The following PARVB variants were observed in gnomAD, a reference collection of about 807,000 sequenced individuals.
PARVB encodes the protein beta-parvin.
PARVB carries 46 observed loss-of-function variants against 47.0 expected under a neutral mutation model. The observed-to-expected ratio is 0.98, with a 90% CI of 0.77 to 1.25. PARVB has a LOEUF of 1.25. PARVB is among the 50% of genes most tolerant of loss of function. The pLI, the probability that PARVB is intolerant of heterozygous loss-of-function variation, is 0.00. For missense variants in PARVB, 473 were observed against 471.6 expected, an observed-to-expected ratio of 1.00 and a Z score of -0.03; for synonymous variants, 196 against 196.3, an observed-to-expected ratio of 1.00 and a Z score of 0.01.
In PARVB at chr22:44,155,878, C is replaced by T. The variant is rs182583438; in HGVS notation, c.844-2104C>T. Among the ~76,000 whole-genome samples the T allele has an allele frequency of 4.6e-4, 70 of 152,238 alleles. No homozygotes were observed. In the East Asian group the frequency reaches 7.4e-3, roughly 16 times the overall value. On this transcript the variant is annotated intron_variant, in intron 10 of 12. Transcript: ENST00000338758. The surrounding 1 kb of genome is among the most constrained non-coding windows in gnomAD (Gnocchi z 4.8). ...ACTGACAGCGTGTTGAATTTCCAGG[C>T]GCAGTGGCTCATGCCTGCAATCCTA... is the stretch of plus-strand genomic sequence containing the variant.
intron 1 of PARVB, among the ~76,000 whole-genome samples, chr22:44,039,094 G>C (rs1023668289): frequency 2.6e-5 from 4 of 152,242 alleles, no homozygotes; most frequent in African/African-American, 9.6e-5. Context: ...AAGGCTGGAA[G>C]ATGTGGTGAG....
intron 1 of PARVB, among the ~76,000 whole-genome samples, chr22:44,070,078 T>C (rs566371355): frequency 2.6e-5 from 4 of 152,250 alleles, no homozygotes; most frequent in Non-Finnish European, 4.4e-5. Flanking sequence ...GGAACAACAG[T>C]AGAGCTGATG....
intron 4 of PARVB, chr22:44,119,954 G>A (rs2053006127): frequency 4.4e-6 from 2 of 452,344 alleles, no homozygotes. Context: ...GATGATGCAT[G>A]AGAGGAATTC....
intron 2 of PARVB, among the ~76,000 whole-genome samples, chr22:44,099,358 G>T (rs1385231396): frequency 6.6e-6 from 1 of 152,126 alleles, no homozygotes; most frequent in African/African-American, 2.4e-5. Flanking sequence ...TGCCCCCTCC[G>T]CAGTCCCGCC....
At chr22:44,014,366 C>T (rs923075221) in intron 2 of PARVB, among the ~76,000 whole-genome samples, 12 of 152,142 alleles carry the variant, frequency 7.9e-5, no homozygotes, top group African/African-American at 2.4e-4. Flanking sequence ...TCTTCAGAAG[C>T]CACAGTTCAA....
At position 44,157,979 on chromosome 22, in the gene PARVB, C is replaced by T; in HGVS notation, c.844-3C>T. 6.2e-7 allele frequency: 1 copy of T among 1,607,952 alleles called. No homozygotes were observed. Among genetic ancestry groups the T allele is most frequent in the Non-Finnish European group, 8.5e-7 (1 of 1,174,416 alleles). On this transcript the variant is annotated splice_polypyrimidine_tract_variant and splice_region_variant and intron_variant, in intron 10 of 12. Coordinates refer to ENST00000338758, the MANE Select transcript of PARVB (RefSeq NM_013327.5). Reference sequence around the variant, plus strand: ...CGGAAACATCACAAGTCTTTCTCTGCAGTTTGCAGATGGCGTGTACCTGGT... The same window carrying T: ...CGGAAACATCACAAGTCTTTCTCTGTAGTTTGCAGATGGCGTGTACCTGGT...
intron 2 of PARVB, among the ~76,000 whole-genome samples, chr22:44,015,528 T>C (rs2050567022): frequency 6.6e-6 from 1 of 152,064 alleles, no homozygotes; most frequent in Non-Finnish European, 1.5e-5. Flanking sequence ...ACATAATACA[T>C]AGGATTGGGG....
chr22:44,036,778 G>T (rs1360619972), intron 1 of PARVB, among the ~76,000 whole-genome samples: 1 of 152,012 alleles, frequency 6.6e-6, no homozygotes, highest in Non-Finnish European at 1.5e-5. Flanking sequence ...GACCAGCCTG[G>T]GCAACATAGA....
At chr22:44,051,296 T>C (rs1306494175) in intron 1 of PARVB, among the ~76,000 whole-genome samples, 1 of 152,146 alleles carries the variant, frequency 6.6e-6, no homozygotes. Flanking sequence ...TGCAAAGCTG[T>C]TGTGTCACCC....
intron 7 of PARVB, among the ~76,000 whole-genome samples, chr22:44,137,921 A>G (rs1286119015): frequency 6.6e-6 from 1 of 152,160 alleles, no homozygotes; most frequent in Non-Finnish European, 1.5e-5. Context: ...TTGTGCAGGA[A>G]TGGCCTGTGC....
At chr22:44,091,013 G>T (rs2052153672) in intron 1 of PARVB, among the ~76,000 whole-genome samples, 1 of 152,188 alleles carries the variant, frequency 6.6e-6, no homozygotes. Context: ...AGCTGATCTG[G>T]GTGACCTGTG....
intron 1 of PARVB, among the ~76,000 whole-genome samples, chr22:44,043,844 G>T (rs563093314): frequency 6.6e-6 from 1 of 152,190 alleles, no homozygotes; most frequent in South Asian, 2.1e-4. Flanking sequence ...TCACCTTGGG[G>T]TGAGGGCGGG....
rs1239726457 is a variant in PARVB at position 44,068,542 on chromosome 22, C to T, written c.113-25386C>T. Among the ~76,000 whole-genome samples, 2 of 152,202 alleles carry T rather than the reference C, an allele frequency of 1.3e-5. No individual in the cohort carries two copies. On this transcript the variant is annotated intron_variant, in intron 1 of 12. Coordinates refer to ENST00000338758, the MANE Select transcript of PARVB (RefSeq NM_013327.5). The surrounding 1 kb of genome is among the most constrained non-coding windows in gnomAD (Gnocchi z 4.1). ...TCGGGGCAGCCTCAGCTTCTTCTTT[C>T]TGTGTCCGATATTTGATTTCTGTTG...
At position 44,073,945 on chromosome 22, in the gene PARVB, G is replaced by A. The variant is rs558313614; in HGVS notation, c.113-19983G>A. On this transcript the variant is annotated intron_variant, in intron 1 of 12. Coordinates refer to ENST00000338758, the MANE Select transcript of PARVB (RefSeq NM_013327.5). Reference sequence around the variant, plus strand: ...ACTGGAGGAGGTGTGATTATGGTGTGTATTTTGTGCAGCCATTTGGTGGAC... The same window carrying A: ...ACTGGAGGAGGTGTGATTATGGTGTATATTTTGTGCAGCCATTTGGTGGAC... 2.6e-5 allele frequency among the ~76,000 whole-genome samples: 4 copies of A among 152,378 alleles called. No individual in the cohort carries two copies. The East Asian group carries it at 7.7e-4, about 29-fold the overall frequency.
At chr22:44,142,849 C>T (rs1197145168) in intron 8 of PARVB, 2 of 152,282 alleles carry the variant, frequency 1.3e-5, no homozygotes, top group African/African-American at 4.8e-5. Context: ...TTAGTTCCAC[C>T]CCCGGCCTTG....
chr22:44,135,058 A>T (rs972719254), intron 6 of PARVB, among the ~76,000 whole-genome samples: 2 of 152,082 alleles, frequency 1.3e-5, no homozygotes, highest in Admixed American at 6.6e-5. Flanking sequence ...TGAGTATTCC[A>T]TGGAGGTCAA....
intron 1 of PARVB, among the ~76,000 whole-genome samples, chr22:44,076,912 G>A (rs2051787442): frequency 6.6e-6 from 1 of 152,098 alleles, no homozygotes; most frequent in Admixed American, 6.5e-5. Flanking sequence ...CCGGAATGTT[G>A]GGCACATCCT....
At chr22:44,001,123 G>A (rs2050409114) in intron 2 of PARVB, among the ~76,000 whole-genome samples, 1 of 152,152 alleles carries the variant, frequency 6.6e-6, no homozygotes, top group Non-Finnish European at 1.5e-5. Context: ...GGTGGTGGGC[G>A]CCTGTAGTCC....
In PARVB at chr22:44,125,712, CTA is replaced by C. The variant is rs1329301206; in HGVS notation, c.377-5773_377-5772del. On this transcript the variant is annotated intron_variant, in intron 4 of 12. Coordinates refer to ENST00000338758, the MANE Select transcript of PARVB (RefSeq NM_013327.5). This position sits in a 1 kb window ranked among gnomAD's most constrained non-coding sequence, Gnocchi z 4.1. ...TCATTCAGCCCTGCTAGACAACAGT[CTA>C]TTCCAAGTGACAGGAAGCCATTGGA... Among the ~76,000 whole-genome samples the C allele has an allele frequency of 6.6e-6, 1 of 152,178 alleles. No homozygotes were observed. The highest frequency in any genetic ancestry group is 2.4e-5 in the African/African-American group (1 of 41,438).
Sources: gnomAD v4.1 joint callset for allele counts (sites outside exome capture counted in the v4.1 genomes callset) on GRCh38, gnomAD v4.1.1 for gene constraint, Gnocchi (gnomAD v3.1) non-coding constraint, MANE v1.5 for transcripts, NCBI Gene and HGNC (gene_info 2026-07-23, HGNC 2026-07-21) for gene names.